ZDHHC2: variants seen among roughly 807,000 people sequenced by gnomAD.
ZDHHC2 encodes the protein palmitoyltransferase ZDHHC2.
ZDHHC2 carries 51 observed loss-of-function variants against 55.6 expected under a neutral mutation model. That is an observed-to-expected ratio of 0.92 (90% CI 0.73 to 1.16). ZDHHC2 has a LOEUF of 1.16. Ranked by LOEUF, ZDHHC2 falls within the 50% of genes most tolerant of loss-of-function variation. The pLI is 0.00. For missense variants in ZDHHC2, 491 were observed against 442.4 expected (o/e 1.11, Z -0.99); for synonymous variants, 199 against 152.9 (o/e 1.30, Z -2.22).
chr8:17,224,691 TCA>T lies in ZDHHC2; in HGVS notation c.*4471_*4472del, dbSNP rs1291511079. On this transcript the variant is annotated 3_prime_UTR_variant, in exon 13 of 13. Transcript: ENST00000262096. ...CGTCAGTTCTCCTGTTGTATTTTTC[TCA>T]GTTATGAGAGCAAGGCTATTTTGTC... The T allele has an allele frequency of 1.3e-5, 2 of 151,794 alleles. No individual in the cohort carries two copies. The highest frequency in any genetic ancestry group is 1.5e-5 in the Non-Finnish European group (1 of 67,744). The allele number at this position is 151,794 out of a possible 1,614,324, so 9.4% of individuals were successfully genotyped here.
chr8:17,173,710 AGAATT>A (rs1304246548), intron 1 of ZDHHC2, among the ~76,000 whole-genome samples: 1 of 151,936 alleles, frequency 6.6e-6, no homozygotes, highest in Non-Finnish European at 1.5e-5. Flanking sequence ...AGAAAGAAAA[AGAATT>A]GAGCACAAAT....
Position 17,208,173 on chromosome 8 carries a change from C to G in ZDHHC2, c.730+81C>G, listed in dbSNP as rs1008965318. 4.4e-6 allele frequency: 6 copies of G among 1,366,202 alleles called. No homozygotes were observed. In the South Asian group the frequency reaches 6.7e-5, roughly 15 times the overall value. 84.6% of individuals were successfully genotyped at this position (1,366,202 alleles called of 1,614,324 possible). On this transcript the variant is annotated intron_variant, in intron 8 of 12. Transcript: ENST00000262096. ...TTGACAGTTGCTATGTGATTAAATG[C>G]CAACTTGCCCTGAAGTGGTGGGAAA...
At chr8:17,190,243 G>A (rs1280722169) in intron 3 of ZDHHC2, among the ~76,000 whole-genome samples, 2 of 150,668 alleles carry the variant, frequency 1.3e-5, no homozygotes, top group Non-Finnish European at 3.0e-5. Flanking sequence ...GCGACAGATC[G>A]ACACTCCGTC....
At chr8:17,186,059 G>C (rs1286662430) in intron 2 of ZDHHC2, among the ~76,000 whole-genome samples, 1 of 152,158 alleles carries the variant, frequency 6.6e-6, no homozygotes, top group African/African-American at 2.4e-5. Flanking sequence ...GTCCTTGTTA[G>C]TGATTTTGCC....
chr8:17,208,325 T>TATATAGATATATAGATATAGTGGC, intron 8 of ZDHHC2, among the ~76,000 whole-genome samples: 1 of 149,952 alleles, frequency 6.7e-6, no homozygotes, highest in Non-Finnish European at 1.5e-5. Context: ...TATATATCTA[T>TATATAGATATATAGATATAGTGGC]ATATAGATAT....
intron 6 of ZDHHC2, among the ~76,000 whole-genome samples, chr8:17,203,565 T>C (rs1197157341): frequency 6.6e-6 from 1 of 151,966 alleles, no homozygotes; most frequent in Admixed American, 6.6e-5. Flanking sequence ...CACCCAGCTT[T>C]TGCCTACCCA....
chr8:17,170,221 A>G (rs1044048328), intron 1 of ZDHHC2, among the ~76,000 whole-genome samples: 1 of 152,224 alleles, frequency 6.6e-6, no homozygotes, highest in Non-Finnish European at 1.5e-5. Context: ...ACAGAAGAAA[A>G]TAGTGCTTCT....
At chr8:17,167,505 A>G (rs943622457) in intron 1 of ZDHHC2, among the ~76,000 whole-genome samples, 3 of 151,904 alleles carry the variant, frequency 2.0e-5, no homozygotes, top group Non-Finnish European at 4.4e-5. Flanking sequence ...GGGTTTCCGC[A>G]TGTTGGCCAG....
rs189170579 is a variant in ZDHHC2, at chr8:17,221,378, A to G, written c.*1157A>G. 6.6e-6 allele frequency: 1 copy of G among 152,654 alleles called. No individual in the cohort carries two copies. The highest frequency in any genetic ancestry group is 2.4e-5 in the African/African-American group (1 of 41,562). The allele number at this position is 152,654 out of a possible 1,614,324, so 9.5% of individuals were successfully genotyped here. On this transcript the variant is annotated 3_prime_UTR_variant, in exon 13 of 13. Transcript: ENST00000262096. ...AATATAATAAGCTCTTGTGCCTTGT[A>G]TGCACTATTTAAAAAAAGTTTTTTT...
intron 3 of ZDHHC2, 94 bp from the exon 4 acceptor site, chr8:17,195,410 A>G: frequency 2.9e-6 from 4 of 1,388,962 alleles, no homozygotes; most frequent in Non-Finnish European, 3.9e-6. Flanking sequence ...TACCATTAAT[A>G]TTTTATAAAT....
At chr8:17,194,578 C>T (rs1456815499) in intron 3 of ZDHHC2, among the ~76,000 whole-genome samples, 1 of 151,910 alleles carries the variant, frequency 6.6e-6, no homozygotes, top group Non-Finnish European at 1.5e-5. Context: ...ATGTATCTCT[C>T]AACAACAGTG....
intron 8 of ZDHHC2, among the ~76,000 whole-genome samples, chr8:17,208,700 A>G (rs17124216): frequency 6.6e-6 from 1 of 152,218 alleles, no homozygotes; most frequent in Admixed American, 6.5e-5. Context: ...AAATGAAATC[A>G]TTACACCAAA....
rs1262778198 is a variant in ZDHHC2, at chr8:17,221,712, C to G, written c.*1491C>G. On this transcript the variant is annotated 3_prime_UTR_variant, in exon 13 of 13. Coordinates refer to ENST00000262096, the MANE Select transcript of ZDHHC2 (RefSeq NM_016353.5). ...ATGGAAGAAACAATGTCAGCCAAGTCCATTTTATAGTTTGAGTGCAATTCT... is the reference window on the plus strand; with the variant it reads ...ATGGAAGAAACAATGTCAGCCAAGTGCATTTTATAGTTTGAGTGCAATTCT... The G allele has an allele frequency of 6.6e-6, 1 of 152,398 alleles. No individual in the cohort carries two copies. Among genetic ancestry groups the G allele is most frequent in the African/African-American group, 2.4e-5 (1 of 41,424 alleles). 9.4% of individuals were successfully genotyped at this position (152,398 alleles called of 1,614,324 possible). A position where few individuals can be genotyped will look rare whatever the true frequency, so the allele number is the denominator to read the frequency against.
chr8:17,205,679 A>G lies in ZDHHC2; in HGVS notation c.501A>G (p.Ser167=). The change falls in exon 7 of 13, where the codon TCA becomes TCG. Residue 167 remains serine (S), a synonymous_variant. Coordinates refer to ENST00000262096, the MANE Select transcript of ZDHHC2 (RefSeq NM_016353.5). ...GGGTGAACAATTGTGTTGGATTTTC[A>G]AATTATAAGTTCTTTCTCCTTTTCT... The part of the protein sequence containing the change: ...CPWVNNCVGF[S]NYKFFLLFLA... 2 of 1,605,728 alleles carry G rather than the reference A, an allele frequency of 1.2e-6. No homozygotes were observed. The highest frequency in any genetic ancestry group is 2.3e-5 in the South Asian group (2 of 88,652).
intron 3 of ZDHHC2, among the ~76,000 whole-genome samples, chr8:17,193,285 A>G (rs1037269047): frequency 3.9e-5 from 6 of 152,204 alleles, no homozygotes; most frequent in African/African-American, 1.2e-4. Flanking sequence ...ACAGACTGGT[A>G]GATGTGTACT....
rs1806379457 is a variant in ZDHHC2, at chr8:17,197,503, GGA to G, written c.374-74_374-73del. 8 of 1,186,624 alleles carry G rather than the reference GGA, an allele frequency of 6.7e-6. 1 individual carries two copies. In the South Asian group the frequency reaches 1.0e-4, roughly 15 times the overall value. The allele number at this position is 1,186,624 out of a possible 1,614,324, so 73.5% of individuals were successfully genotyped here. ...CATATGCTTTTTAAAATTTAAATTT[GGA>G]GAGATGATAAAAGCCATTTAATTGT... On this transcript the variant is annotated intron_variant, in intron 4 of 12. Coordinates refer to ENST00000262096, the MANE Select transcript of ZDHHC2 (RefSeq NM_016353.5).
intron 8 of ZDHHC2, among the ~76,000 whole-genome samples, chr8:17,209,572 C>T (rs974334185): frequency 5.9e-5 from 9 of 152,092 alleles, no homozygotes; most frequent in African/African-American, 2.2e-4. Flanking sequence ...TTAAAAAATA[C>T]ACGTGTAGAT....
At chr8:17,208,141 A>C in intron 8 of ZDHHC2, 49 bp downstream of exon 8, 2 of 1,463,650 alleles carry the variant, frequency 1.4e-6, no homozygotes, top group Middle Eastern at 2.3e-4. Context: ...ACGTATACCA[A>C]CATTCATTGA....
intron 1 of ZDHHC2, among the ~76,000 whole-genome samples, 159 bp downstream of exon 1, chr8:17,157,012 G>A (rs1804092452): frequency 1.3e-5 from 2 of 152,038 alleles, no homozygotes; most frequent in Admixed American, 6.5e-5. Flanking sequence ...CAGCCTCGGG[G>A]CAGCTTCTTC....
Sources: allele counts gnomAD v4.1 joint callset (sites outside exome capture counted in the v4.1 genomes callset), GRCh38; gene constraint gnomAD v4.1.1; transcripts MANE v1.5; gene names NCBI Gene and HGNC (gene_info 2026-07-23, HGNC 2026-07-21).